Variants in ASAP1 observed in about 807,000 individuals in gnomAD.
ASAP1 encodes the protein arf-GAP with SH3 domain, ANK repeat and PH domain-containing protein 1.
In ASAP1, 43 loss-of-function variants were observed where a neutral mutation model predicts 145.2. The observed-to-expected ratio is 0.30, with a 90% CI of 0.23 to 0.38. The LOEUF (loss-of-function observed/expected upper bound fraction) is 0.38, where lower values mean the gene tolerates loss of function less well. Among genes scored for constraint, ASAP1 ranks in the 10% least tolerant of loss-of-function variants. The pLI, the probability that ASAP1 is intolerant of heterozygous loss-of-function variation, is 1.00. For synonymous variants in ASAP1, 546 were observed against 515.5 expected (o/e 1.06, Z -0.80); for missense variants, 1,018 against 1,355.3 (o/e 0.75, Z 3.91).
At chr8:130,267,123 CAAAA>C (rs759131217) in intron 3 of ASAP1, among the ~76,000 whole-genome samples, 1 of 104,188 alleles carries the variant, frequency 9.6e-6, no homozygotes. Flanking sequence ...AACAAACAAA[CAAAA>C]AAAAAACAAA....
chr8:130,112,021 A>G (rs545763668), intron 24 of ASAP1, 73 bp downstream of exon 24: 3 of 1,394,004 alleles, frequency 2.2e-6, no homozygotes, highest in South Asian at 2.5e-5. Context: ...AAAGCTGGCT[A>G]GACTATCAGC....
intron 1 of ASAP1, among the ~76,000 whole-genome samples, chr8:130,410,628 A>G (rs1032146657): frequency 2.0e-5 from 3 of 152,236 alleles, no homozygotes; most frequent in African/African-American, 7.2e-5. Context: ...TTGTGTGATC[A>G]TATCTTCAAG....
intron 3 of ASAP1, among the ~76,000 whole-genome samples, chr8:130,325,578 G>C (rs987088434): frequency 1.3e-5 from 2 of 152,226 alleles, no homozygotes; most frequent in Admixed American, 6.5e-5. Flanking sequence ...TGCTGAGGAA[G>C]GCGTTTTGGG....
chr8:130,329,279 T>C (rs1328767460), intron 3 of ASAP1, among the ~76,000 whole-genome samples: 3 of 152,216 alleles, frequency 2.0e-5, no homozygotes, highest in Non-Finnish European at 2.9e-5. Flanking sequence ...TCTCAAAACA[T>C]GGCATCCAGT....
chr8:130,341,697 T>G (rs1477065262), intron 3 of ASAP1, among the ~76,000 whole-genome samples: 1 of 152,168 alleles, frequency 6.6e-6, no homozygotes. Flanking sequence ...TGTCTTCAAC[T>G]TGACTGCCCA....
chr8:130,070,529 C>T (rs889809957), intron 27 of ASAP1, among the ~76,000 whole-genome samples: 2 of 152,050 alleles, frequency 1.3e-5, no homozygotes, highest in South Asian at 2.1e-4. Context: ...CACTTGATAA[C>T]CCCCTGTGGA....
chr8:130,342,869 AC>A (rs1306710138), intron 3 of ASAP1, among the ~76,000 whole-genome samples: 1 of 151,834 alleles, frequency 6.6e-6, no homozygotes, highest in Non-Finnish European at 1.5e-5. Context: ...TCTAACTTCT[AC>A]CCCTCTCTCC....
chr8:130,140,304 T>C (rs4733769), intron 13 of ASAP1, among the ~76,000 whole-genome samples: 151,102 of 151,998 alleles, frequency 0.99, 75,106 homozygotes, highest in Middle Eastern at 1. Flanking sequence ...AGTGAGATTA[T>C]AGGCGTGAGG....
chr8:130,182,831 C>CAAAAAAAAAAAAAAAAAAAAAAGA (rs35195899), intron 7 of ASAP1, among the ~76,000 whole-genome samples: 1 of 73,596 alleles, frequency 1.4e-5, no homozygotes. Flanking sequence ...TATAAAAAGG[C>CAAAAAAAAAAAAAAAAAAAAAAGA]AAAAAAAAAA....
intron 7 of ASAP1, among the ~76,000 whole-genome samples, chr8:130,186,670 C>A (rs983745509): frequency 1.3e-5 from 2 of 152,184 alleles, no homozygotes; most frequent in African/African-American, 4.8e-5. Context: ...CAAGACAGAC[C>A]TGGAGTGAAT....
rs780318282 is a variant in ASAP1, at chr8:130,401,953, G to A, written c.-10C>T. On this transcript the variant is annotated 5_prime_UTR_variant, in exon 2 of 30. In the 5' UTR this introduces an upstream ATG that the reference lacks. Coordinates refer to ENST00000518721, the MANE Select transcript of ASAP1 (RefSeq NM_018482.4). The stretch of plus-strand genomic sequence containing the variant: ...AGGCTGAAGATCTCATGTCTCAGCC[G>A]TCACATCAGAAAACGACCTGGATAG... 6 of 1,612,656 alleles carry A rather than the reference G, an allele frequency of 3.7e-6. No individual in the cohort carries two copies. Among genetic ancestry groups the A allele is most frequent in the East Asian group, 2.2e-5 (1 of 44,888 alleles).
At chr8:130,384,653 T>C (rs1476151153) in intron 2 of ASAP1, among the ~76,000 whole-genome samples, 1 of 152,182 alleles carries the variant, frequency 6.6e-6, no homozygotes, top group Admixed American at 6.5e-5. Flanking sequence ...GCTAATGTTT[T>C]GTATTTTTAG....
rs148432421 is a variant in ASAP1 at position 130,297,206 on chromosome 8, T to C, written c.187-60212A>G. ...ATATTATCTTTTAAAATCTGAAGTC[T>C]AATTGTGGTTGTCCCACTGCCTGTG... On this transcript the variant is annotated intron_variant, in intron 3 of 29. Coordinates refer to ENST00000518721, the MANE Select transcript of ASAP1 (RefSeq NM_018482.4). Among the ~76,000 whole-genome samples, 102 of 152,334 alleles carry C rather than the reference T, an allele frequency of 6.7e-4. No individual in the cohort carries two copies. The East Asian group carries it at 0.018, about 27-fold the overall frequency.
At chr8:130,182,863 A>T (rs1814460550) in intron 7 of ASAP1, among the ~76,000 whole-genome samples, 2 of 151,144 alleles carry the variant, frequency 1.3e-5, no homozygotes, top group Non-Finnish European at 3.0e-5. Context: ...CAACTGAGCA[A>T]AAGAGCTCTT....
At chr8:130,300,133 C>A (rs1822537450) in intron 3 of ASAP1, among the ~76,000 whole-genome samples, 2 of 117,236 alleles carry the variant, frequency 1.7e-5, no homozygotes, top group Admixed American at 8.8e-5. Context: ...CACACACACA[C>A]ACACACACAC....
intron 14 of ASAP1, 137 bp downstream of exon 14, chr8:130,136,814 G>A (rs1028925982): frequency 2.7e-6 from 2 of 735,858 alleles, no homozygotes; most frequent in Non-Finnish European, 4.7e-6. Flanking sequence ...CATCTTCCTA[G>A]AGCAGCACAT....
At chr8:130,328,896 T>A (rs926195929) in intron 3 of ASAP1, among the ~76,000 whole-genome samples, 1 of 152,098 alleles carries the variant, frequency 6.6e-6, no homozygotes, top group Admixed American at 6.5e-5. Context: ...TCCCAAAGTG[T>A]TGGGATTACA....
intron 2 of ASAP1, among the ~76,000 whole-genome samples, chr8:130,401,081 C>T (rs2138568502): frequency 6.6e-6 from 1 of 151,740 alleles, no homozygotes; most frequent in East Asian, 2.0e-4. Flanking sequence ...GGGGTTTCAC[C>T]ATGTTGGCCA....
chr8:130,240,746 A>G (rs1476791998), intron 3 of ASAP1, among the ~76,000 whole-genome samples: 1 of 152,156 alleles, frequency 6.6e-6, no homozygotes, highest in East Asian at 1.9e-4. Flanking sequence ...TCTCTTTAAC[A>G]TTACATAACT....
Sources: gnomAD v4.1 joint callset for allele counts (sites outside exome capture counted in the v4.1 genomes callset) on GRCh38, gnomAD v4.1.1 for gene constraint, MANE v1.5 for transcripts, NCBI Gene and HGNC (gene_info 2026-07-23, HGNC 2026-07-21) for gene names.